DSCAM: variants seen among roughly 807,000 people sequenced by gnomAD.
DSCAM encodes DS cell adhesion molecule, also known as cell adhesion molecule DSCAM.
Under a neutral mutation model 217.7 loss-of-function variants are expected in DSCAM, and 47 were observed. The ratio of observed to expected loss-of-function variants is 0.22; its 90% CI spans 0.17 to 0.28. The LOEUF (loss-of-function observed/expected upper bound fraction) is 0.28. DSCAM is among the 10% of genes least tolerant of loss of function. The pLI, the probability that DSCAM is intolerant of heterozygous loss-of-function variation, is 1.00. For synonymous variants in DSCAM, 1,056 were observed against 1,015.3 expected (o/e 1.04, Z -0.76); for missense variants, 2,080 against 2,618.3 (o/e 0.79, Z 4.49).
chr21:40,305,342 A>G (rs1327809336), intron 9 of DSCAM, among the ~76,000 whole-genome samples: 1 of 142,048 alleles, frequency 7.0e-6, no homozygotes, highest in Non-Finnish European at 1.5e-5. Flanking sequence ...GTGAGTGGAG[A>G]TTGGCCCATT....
chr21:40,101,196 T>C (rs528102178), intron 20 of DSCAM, among the ~76,000 whole-genome samples: 38 of 152,234 alleles, frequency 2.5e-4, no homozygotes, highest in Non-Finnish European at 3.8e-4. Flanking sequence ...ATCTGTCATA[T>C]ATTCCTCTTG....
chr21:40,684,187 T>G (rs1243001831), intron 3 of DSCAM, among the ~76,000 whole-genome samples: 4 of 151,260 alleles, frequency 2.6e-5, no homozygotes, highest in Non-Finnish European at 1.5e-5. Flanking sequence ...ATCGCGTCAC[T>G]GCACTCCAGC....
chr21:40,472,780 G>C (rs963956596), intron 3 of DSCAM, among the ~76,000 whole-genome samples: 2 of 152,088 alleles, frequency 1.3e-5, no homozygotes, highest in African/African-American at 4.8e-5. Flanking sequence ...GCAATTATCT[G>C]AGGTGTGTCA....
At chr21:40,232,895 C>A (rs374700923) in intron 11 of DSCAM, among the ~76,000 whole-genome samples, 3 of 151,750 alleles carry the variant, frequency 2.0e-5, no homozygotes, top group African/African-American at 7.3e-5. Context: ...TATTAAGATG[C>A]CCAGAACAGT....
At chr21:40,063,075 AC>A (rs2089148059) in intron 27 of DSCAM, among the ~76,000 whole-genome samples, 176 bp from the exon 28 acceptor site, 2 of 152,190 alleles carry the variant, frequency 1.3e-5, no homozygotes, top group South Asian at 4.1e-4. Context: ...TCTAAATGGG[AC>A]TTTTAAAATG....
At chr21:40,361,096 C>A (rs2123674695) in intron 4 of DSCAM, among the ~76,000 whole-genome samples, 1 of 151,624 alleles carries the variant, frequency 6.6e-6, no homozygotes, top group East Asian at 1.9e-4. Flanking sequence ...TCATCCCCTT[C>A]AAATTTTTTT....
intron 3 of DSCAM, among the ~76,000 whole-genome samples, chr21:40,580,080 AT>A (rs530550322): frequency 0.082 from 11,613 of 142,298 alleles, 475 homozygotes; most frequent in South Asian, 0.16. Context: ...ACCATGTTTA[AT>A]TTTTTTTTTT....
chr21:40,783,697 G>A (rs2091567386), intron 1 of DSCAM, among the ~76,000 whole-genome samples: 1 of 152,178 alleles, frequency 6.6e-6, no homozygotes, highest in Non-Finnish European at 1.5e-5. Context: ...CCAGTGTGGT[G>A]GAACTCTTGG....
intron 1 of DSCAM, among the ~76,000 whole-genome samples, chr21:40,787,576 C>G (rs1202485344): frequency 6.6e-6 from 1 of 152,212 alleles, no homozygotes; most frequent in East Asian, 1.9e-4. Flanking sequence ...TATTTATACT[C>G]ACTTTTATTC....
At chr21:40,637,647 A>G (rs1215202797) in intron 3 of DSCAM, among the ~76,000 whole-genome samples, 2 of 41,694 alleles carry the variant, frequency 4.8e-5, no homozygotes, top group East Asian at 3.9e-4. Flanking sequence ...ATATAAATAT[A>G]TATCTATATA....
chr21:40,372,669 C>T (rs2074910462), intron 3 of DSCAM, among the ~76,000 whole-genome samples: 1 of 152,182 alleles, frequency 6.6e-6, no homozygotes, highest in Non-Finnish European at 1.5e-5. Context: ...TTTCTGCTTC[C>T]TCCTTTACTA....
At chr21:40,425,520 A>C (rs2075464299) in intron 3 of DSCAM, among the ~76,000 whole-genome samples, 1 of 149,772 alleles carries the variant, frequency 6.7e-6, no homozygotes, top group South Asian at 2.1e-4. Flanking sequence ...TAGATAAATA[A>C]GAATTTTTTT....
chr21:40,337,915 C>T (rs902877694), intron 8 of DSCAM, among the ~76,000 whole-genome samples, 186 bp downstream of exon 8: 12 of 152,192 alleles, frequency 7.9e-5, no homozygotes, highest in African/African-American at 2.7e-4. Context: ...ATCAGATCAA[C>T]TAAAGTTCCT....
chr21:40,049,371 C>A (rs184955385), intron 30 of DSCAM, among the ~76,000 whole-genome samples: 10 of 152,252 alleles, frequency 6.6e-5, no homozygotes, highest in Admixed American at 5.2e-4. Context: ...CCTGCTGCCC[C>A]CTCTGCTCCT....
At chr21:40,313,120 T>A (rs202149928) in intron 8 of DSCAM, among the ~76,000 whole-genome samples, 84 of 135,092 alleles carry the variant, frequency 6.2e-4, no homozygotes, top group South Asian at 9.2e-4. Flanking sequence ...TCTAAAAAAC[T>A]AAAAAAAAAA....
chr21:40,103,312 G>A (rs1333839902), intron 20 of DSCAM, among the ~76,000 whole-genome samples: 2 of 151,910 alleles, frequency 1.3e-5, no homozygotes, highest in Admixed American at 6.6e-5. Context: ...TTCATAGATA[G>A]AATGTCCACA....
At chr21:40,291,609 C>T (rs184876592) in intron 10 of DSCAM, among the ~76,000 whole-genome samples, 1 of 152,138 alleles carries the variant, frequency 6.6e-6, no homozygotes, top group East Asian at 1.9e-4. Flanking sequence ...ACCCCCAACT[C>T]TTGGGAACTA....
intron 3 of DSCAM, among the ~76,000 whole-genome samples, chr21:40,597,388 G>T (rs2077028904): frequency 6.7e-6 from 1 of 150,230 alleles, no homozygotes; most frequent in South Asian, 2.1e-4. Context: ...TGACAGAAAT[G>T]GGGTACTAAG....
intron 3 of DSCAM, among the ~76,000 whole-genome samples, chr21:40,629,076 GGTGTGT>G (rs57351838): frequency 0.023 from 3,330 of 144,306 alleles, 91 homozygotes; most frequent in African/African-American, 0.07. Flanking sequence ...GTGTGTGTGT[GGTGTGT>G]GTGTGTGTGT....
Sources: gnomAD v4.1 joint callset for allele counts (sites outside exome capture counted in the v4.1 genomes callset) on GRCh38, gnomAD v4.1.1 for gene constraint, MANE v1.5 for transcripts, NCBI Gene and HGNC (gene_info 2026-07-23, HGNC 2026-07-21) for gene names.